The following GLRX3 variants were observed in gnomAD, a reference collection of about 807,000 sequenced individuals.
GLRX3 encodes the protein glutaredoxin-3.
Under a neutral mutation model 49.5 loss-of-function variants are expected in GLRX3, and 22 were observed. The ratio of observed to expected loss-of-function variants is 0.44; its 90% confidence interval spans 0.32 to 0.63. GLRX3 has a LOEUF of 0.63. GLRX3 is among the 30% of genes least tolerant of loss of function. The probability of loss-of-function intolerance (pLI) is 0.05; values close to 1 mark genes in which losing one functional copy is unlikely to be tolerated. For missense variants in GLRX3, 385 were observed against 396.3 expected (o/e 0.97, Z 0.24); for synonymous variants, 133 against 140.0 (o/e 0.95, Z 0.35).
At chr10:130,174,134 A>AGGCC (rs1862869037) in intron 8 of GLRX3, among the ~76,000 whole-genome samples, 1 of 152,234 alleles carries the variant, frequency 6.6e-6, no homozygotes, top group Non-Finnish European at 1.5e-5. Context: ...GTATGGTATA[A>AGGCC]AGCCACAAAG....
intron 2 of GLRX3, among the ~76,000 whole-genome samples, chr10:130,157,840 GCT>G (rs1862506227): frequency 1.3e-5 from 2 of 151,966 alleles, no homozygotes; most frequent in African/African-American, 4.8e-5. Context: ...TAATCTTTGA[GCT>G]CTTCTGAATG....
chr10:130,159,530 G>C (rs1252896139), intron 2 of GLRX3, among the ~76,000 whole-genome samples: 1 of 152,082 alleles, frequency 6.6e-6, no homozygotes, highest in Non-Finnish European at 1.5e-5. Context: ...AGTCCTTTTT[G>C]CTTCATAATT....
chr10:130,166,657 T>C lies in GLRX3; in HGVS notation c.629T>C (p.Ile210Thr). 1.2e-6 allele frequency: 2 copies of C among 1,607,178 alleles called. No individual in the cohort carries two copies. Among genetic ancestry groups the C allele is most frequent in the Non-Finnish European group, 1.7e-6 (2 of 1,173,958 alleles). The change falls in exon 5 of 11, where the codon ATA becomes ACA. Residue 210 changes from isoleucine to threonine, a missense_variant. Coordinates refer to ENST00000331244, the MANE Select transcript of GLRX3 (RefSeq NM_006541.5). ...YPQLYVSGEL[I>T]GGLDIIKELE... ...CAGCTCTATGTTTCTGGAGAGCTCA[T>C]AGGAGGACTTGATATAATTAAGGTT...
intron 7 of GLRX3, among the ~76,000 whole-genome samples, chr10:130,170,177 A>T (rs1405758493): frequency 6.6e-6 from 1 of 152,202 alleles, no homozygotes; most frequent in Non-Finnish European, 1.5e-5. Context: ...TTGAACCTCT[A>T]CTTAATTCTC....
intron 2 of GLRX3, among the ~76,000 whole-genome samples, chr10:130,157,244 C>T (rs1038560283): frequency 2.0e-5 from 3 of 150,882 alleles, no homozygotes; most frequent in Admixed American, 6.6e-5. Flanking sequence ...ACCTGGGGGC[C>T]GCTGGTGCAA....
chr10:130,157,970 A>C (rs57923853), intron 2 of GLRX3, among the ~76,000 whole-genome samples: 22 of 152,060 alleles, frequency 1.4e-4, no homozygotes, highest in African/African-American at 5.1e-4. Context: ...TTAGGACTTC[A>C]GATGCCCTTG....
At chr10:130,177,619 C>T (rs1400083371) in intron 10 of GLRX3, among the ~76,000 whole-genome samples, 2 of 152,168 alleles carry the variant, frequency 1.3e-5, no homozygotes, top group Non-Finnish European at 2.9e-5. Context: ...CAGATTCCAC[C>T]TGAGGGCCAC....
intron 2 of GLRX3, among the ~76,000 whole-genome samples, chr10:130,150,587 A>G (rs1297188721): frequency 6.6e-6 from 1 of 152,220 alleles, no homozygotes; most frequent in Non-Finnish European, 1.5e-5. Context: ...TTGCTTCTTG[A>G]AAAACAAGAA....
At chr10:130,151,135 C>T (rs972480363) in intron 2 of GLRX3, among the ~76,000 whole-genome samples, 5 of 152,028 alleles carry the variant, frequency 3.3e-5, no homozygotes, top group Non-Finnish European at 5.9e-5. Context: ...ACCGTGTTGG[C>T]CAGGCTGGTT....
chr10:130,178,261 T>G (rs1862960564), intron 10 of GLRX3, among the ~76,000 whole-genome samples: 1 of 152,120 alleles, frequency 6.6e-6, no homozygotes. Context: ...TTCTTCCTTT[T>G]TTTCGAGACA....
chr10:130,143,613 C>T (rs58612149), intron 1 of GLRX3, among the ~76,000 whole-genome samples: 2,905 of 151,966 alleles, frequency 0.019, 105 homozygotes, highest in African/African-American at 0.067. Context: ...ACTACAGCCT[C>T]GACCCCCTGG....
At chr10:130,157,399 G>A (rs958605045) in intron 2 of GLRX3, among the ~76,000 whole-genome samples, 32 of 148,946 alleles carry the variant, frequency 2.1e-4, no homozygotes, top group African/African-American at 7.9e-4. Flanking sequence ...GAGAGAGAAA[G>A]AGGGAGAAAG....
intron 1 of GLRX3, among the ~76,000 whole-genome samples, chr10:130,140,943 T>C (rs372088365): frequency 6.6e-5 from 10 of 152,348 alleles, no homozygotes; most frequent in South Asian, 2.1e-4. Context: ...TTGATACTTA[T>C]GTGTAAGAAA....
chr10:130,170,630 A>G (rs1251035368), intron 7 of GLRX3, among the ~76,000 whole-genome samples: 5 of 152,168 alleles, frequency 3.3e-5, no homozygotes, highest in African/African-American at 1.2e-4. Flanking sequence ...ATTCTCGGTA[A>G]TGGTTTAAGT....
Position 130,166,656 on chromosome 10 carries a change from A to T in GLRX3, c.628A>T (p.Ile210Leu). ...YPQLYVSGEL[I>L]GGLDIIKELE... ...TCAGCTCTATGTTTCTGGAGAGCTC[A>T]TAGGAGGACTTGATATAATTAAGGT... Residue 210 changes from isoleucine to leucine, a missense_variant, in exon 5 of 11, where the codon ATA (isoleucine) becomes TTA (leucine). Around this residue, in one of 2 missense-constraint regions of GLRX3, gnomAD observed 374 missense variants for 358.6 expected, o/e 1.04. Transcript: ENST00000331244. The T allele has an allele frequency of 6.2e-7, 1 of 1,609,122 alleles. No homozygotes were observed. The highest frequency in any genetic ancestry group is 1.7e-4 in the Middle Eastern group (1 of 6,052).
chr10:130,177,058 G>T (rs1182261233), intron 10 of GLRX3, among the ~76,000 whole-genome samples: 1 of 152,068 alleles, frequency 6.6e-6, no homozygotes, highest in African/African-American at 2.4e-5. Flanking sequence ...TATTGTTAAC[G>T]TTTTTCCTTG....
intron 1 of GLRX3, among the ~76,000 whole-genome samples, chr10:130,141,943 GC>G (rs1363580630): frequency 2.6e-5 from 4 of 152,112 alleles, no homozygotes; most frequent in African/African-American, 9.7e-5. Context: ...CAGTTCCAGG[GC>G]CCCAGACAAC....
At chr10:130,171,435 G>C (rs543873872) in intron 7 of GLRX3, 149 bp from the exon 8 acceptor site, 1 of 625,562 alleles carries the variant, frequency 1.6e-6, no homozygotes, top group Non-Finnish European at 2.9e-6. Flanking sequence ...CGTACTTGAA[G>C]AGGGGATGAG....
Position 130,136,391 on chromosome 10 carries a change from A to T in GLRX3, c.-30A>T, listed in dbSNP as rs975020914. The T allele has an allele frequency of 1.6e-6, 2 of 1,244,454 alleles. No individual in the cohort carries two copies. The highest frequency in any genetic ancestry group is 2.0e-6 in the Non-Finnish European group (2 of 988,962). 77.1% of individuals were successfully genotyped at this position (1,244,454 alleles called of 1,614,324 possible). On this transcript the variant is annotated 5_prime_UTR_variant, in exon 1 of 11. Transcript: ENST00000331244. ...GCCCCGCCCACATCCGGCCGCCGGC[A>T]CTGGATTGCTTCTGTCTGGCGGCGG...
Sources: allele counts gnomAD v4.1 joint callset (sites outside exome capture counted in the v4.1 genomes callset), GRCh38; gene constraint gnomAD v4.1.1; regional missense constraint gnomAD v4.1.1; transcripts MANE v1.5; gene names NCBI Gene and HGNC (gene_info 2026-07-23, HGNC 2026-07-21).